ABCG1: variants seen among roughly 807,000 people sequenced by gnomAD.
ABCG1 encodes the protein ATP binding cassette subfamily G member 1, also known as ATP-binding cassette sub-family G member 1.
ABCG1 carries 29 observed loss-of-function variants against 69.2 expected under a neutral mutation model. That is an observed-to-expected ratio of 0.42 (90% CI 0.31 to 0.57). The LOEUF is 0.57. ABCG1 is among the 20% of genes least tolerant of loss of function. The pLI is 0.15. For missense variants in ABCG1, 718 were observed against 898.1 expected (o/e 0.80, Z 2.56); for synonymous variants, 370 against 374.8 (o/e 0.99, Z 0.15).
chr21:42,277,353 C>T (rs1446636580), intron 5 of ABCG1, among the ~76,000 whole-genome samples: 1 of 152,200 alleles, frequency 6.6e-6, no homozygotes, highest in Non-Finnish European at 1.5e-5. Context: ...TAACCACCCT[C>T]CATCCACCTA....
chr21:42,243,222 G>A (rs140083983), intron 2 of ABCG1, among the ~76,000 whole-genome samples: 4 of 152,228 alleles, frequency 2.6e-5, no homozygotes, highest in Non-Finnish European at 5.9e-5. Flanking sequence ...CTCACGAGTC[G>A]CACTATGAAT....
chr21:42,239,990 C>A (rs1417428446), intron 2 of ABCG1, among the ~76,000 whole-genome samples: 1 of 152,216 alleles, frequency 6.6e-6, no homozygotes, highest in Non-Finnish European at 1.5e-5. Flanking sequence ...ATTAGAGCCC[C>A]AGAAAGGGAG....
rs919081215 is a variant in ABCG1 at position 42,273,999 on chromosome 21, G to A, written c.537+564G>A. On this transcript the variant is annotated intron_variant, in intron 4 of 14. Transcript: ENST00000398449. This position sits in a 1 kb window ranked among gnomAD's most constrained non-coding sequence, Gnocchi z 5.3. The stretch of plus-strand genomic sequence containing the variant: ...ATCCCAAAAAAGTGGGTGGGAAATG[G>A]AGCTTCCCCCAGTGAAGCCAGGAGC... 2.0e-5 allele frequency among the ~76,000 whole-genome samples: 3 copies of A among 152,184 alleles called. No homozygotes were observed. The highest frequency in any genetic ancestry group is 4.4e-5 in the Non-Finnish European group (3 of 68,034).
chr21:42,261,820 G>A (rs545752478), intron 2 of ABCG1, among the ~76,000 whole-genome samples: 20 of 152,328 alleles, frequency 1.3e-4, no homozygotes, highest in African/African-American at 4.6e-4. Flanking sequence ...AGGTCAGAAC[G>A]CTGAGCTATC....
intron 6 of ABCG1, 65 bp from the exon 7 acceptor site, chr21:42,284,495 G>A (rs866853733): frequency 3.0e-5 from 47 of 1,585,518 alleles, no homozygotes; most frequent in Middle Eastern, 1.7e-4. Flanking sequence ...CTGGACCCCC[G>A]GAACCTGGGG....
chr21:42,229,749 A>C (rs2067874216), intron 2 of ABCG1, among the ~76,000 whole-genome samples: 1 of 151,964 alleles, frequency 6.6e-6, no homozygotes, highest in Admixed American at 6.6e-5. Context: ...AAAAGAAAGA[A>C]AGAAAGAAAG....
At chr21:42,243,234 T>G (rs2068077523) in intron 2 of ABCG1, among the ~76,000 whole-genome samples, 1 of 152,092 alleles carries the variant, frequency 6.6e-6, no homozygotes, top group Non-Finnish European at 1.5e-5. Context: ...ACTATGAATG[T>G]GGGGAGCCCG....
At chr21:42,228,816 C>A (rs918476016) in intron 2 of ABCG1, among the ~76,000 whole-genome samples, 1 of 152,240 alleles carries the variant, frequency 6.6e-6, no homozygotes. Flanking sequence ...CCTCTCTGTG[C>A]CCACTGTTGT....
rs370121079 is a variant in ABCG1, at chr21:42,290,043, T to C, written c.1225-7T>C. ...ACGCACTGGGTAAGATGCGGGTCTG[T>C]CCCCAGGTCCTGACACACCTGCGCA... is the stretch of plus-strand genomic sequence containing the variant. On this transcript the variant is annotated splice_region_variant and splice_polypyrimidine_tract_variant and intron_variant, in intron 10 of 14. Transcript: ENST00000398449. 2.5e-6 allele frequency: 4 copies of C among 1,614,116 alleles called. No homozygotes were observed. The highest frequency in any genetic ancestry group is 3.4e-6 in the Non-Finnish European group (4 of 1,180,052).
At chr21:42,257,296 G>T (rs1815602384) in intron 2 of ABCG1, among the ~76,000 whole-genome samples, 1 of 152,188 alleles carries the variant, frequency 6.6e-6, no homozygotes, top group Admixed American at 6.5e-5. Flanking sequence ...CAATCAATTT[G>T]CAGGCAGCTT....
intron 2 of ABCG1, among the ~76,000 whole-genome samples, chr21:42,232,047 C>T (rs1443384324): frequency 6.6e-6 from 1 of 152,122 alleles, no homozygotes; most frequent in Non-Finnish European, 1.5e-5. Flanking sequence ...CTCAGTGGCC[C>T]CCAGGTGGGT....
At chr21:42,284,492 C>G in intron 6 of ABCG1, 68 bp from the exon 7 acceptor site, 1 of 1,581,422 alleles carries the variant, frequency 6.3e-7, no homozygotes. Flanking sequence ...TCCCTGGACC[C>G]CCGGAACCTG....
chr21:42,216,354 GGTCCTGTCGAGAGCTCCCCTT>G (rs1364000171), upstream of ABCG1, among the ~76,000 whole-genome samples: 1 of 151,730 alleles, frequency 6.6e-6, no homozygotes, highest in Admixed American at 6.6e-5. Flanking sequence ...GGACTAAGCT[GGTCCTGTCGAGAGCTCCCCTT>G]GCCTGGTTGA....
intron 3 of ABCG1, 122 bp downstream of exon 3, chr21:42,271,309 A>G (rs982484469): frequency 1.7e-6 from 1 of 584,112 alleles, no homozygotes; most frequent in Admixed American, 3.6e-5. Flanking sequence ...GCAGTAGTCC[A>G]GGGGAGAGAG....
chr21:42,276,880 C>T lies in ABCG1; in HGVS notation c.538-15C>T, dbSNP rs1601430916. 7 of 1,614,070 alleles carry T rather than the reference C, an allele frequency of 4.3e-6. No individual in the cohort carries two copies. In the East Asian group the frequency reaches 1.1e-4, roughly 26 times the overall value. On this transcript the variant is annotated splice_polypyrimidine_tract_variant and intron_variant, in intron 4 of 14. Coordinates refer to ENST00000398449, the MANE Select transcript of ABCG1 (RefSeq NM_016818.3). This position sits in a 1 kb window ranked among gnomAD's most constrained non-coding sequence, Gnocchi z 5.3. ...GTCTGTTCTGCTTCCACACTGTTGT[C>T]CTTGTCCCCTGCAGGTGTCGGCACA...
At chr21:42,256,008 C>T (rs921435291) in intron 2 of ABCG1, 1 of 455,212 alleles carries the variant, frequency 2.2e-6, no homozygotes. Context: ...AGCCAGGGAG[C>T]CCCTAGAGCA....
At chr21:42,230,768 C>T (rs1318570458) in intron 2 of ABCG1, among the ~76,000 whole-genome samples, 2 of 152,216 alleles carry the variant, frequency 1.3e-5, no homozygotes, top group South Asian at 2.1e-4. Context: ...GCGGTTCCCA[C>T]GCGTAGTTGA....
At chr21:42,290,290 G>A (rs903095071) in intron 11 of ABCG1, 72 bp downstream of exon 11, 19 of 1,509,498 alleles carry the variant, frequency 1.3e-5, no homozygotes, top group African/African-American at 4.2e-5. Flanking sequence ...CTGAAGTCAC[G>A]CCTTGACCAA....
intron 2 of ABCG1, among the ~76,000 whole-genome samples, chr21:42,267,755 T>C (rs1200622184): frequency 2.0e-5 from 3 of 150,728 alleles, no homozygotes; most frequent in Non-Finnish European, 4.4e-5. Flanking sequence ...GTGGTCTGGG[T>C]TCTGCCTGGG....
Sources: allele counts gnomAD v4.1 joint callset (sites outside exome capture counted in the v4.1 genomes callset), GRCh38; gene constraint gnomAD v4.1.1; non-coding constraint Gnocchi (gnomAD v3.1); transcripts MANE v1.5; gene names NCBI Gene and HGNC (gene_info 2026-07-23, HGNC 2026-07-21).